PRKACB: variants seen among roughly 807,000 people sequenced by gnomAD.
PRKACB encodes protein kinase cAMP-activated catalytic subunit beta.
PRKACB carries 16 observed loss-of-function variants against 51.4 expected under a neutral mutation model. The ratio of observed to expected loss-of-function variants is 0.31; its 90% CI spans 0.21 to 0.47. The LOEUF is 0.47. Among genes scored for constraint, PRKACB ranks in the 20% least tolerant of loss-of-function variants. The pLI, the probability that PRKACB is intolerant of heterozygous loss-of-function variation, is 1.00. For missense variants in PRKACB, 309 were observed against 464.5 expected (o/e 0.67, Z 3.08); for synonymous variants, 147 against 154.4 (o/e 0.95, Z 0.35).
chr1:84,120,523 G>T (rs1301086817), intron 1 of PRKACB, among the ~76,000 whole-genome samples: 1 of 151,952 alleles, frequency 6.6e-6, no homozygotes, highest in Non-Finnish European at 1.5e-5. Flanking sequence ...CAATAATTGT[G>T]TAAAAACACA....
chr1:84,078,253 C>T, exon 1 of PRKACB: 1 of 1,539,974 alleles, frequency 6.5e-7, no homozygotes, highest in Non-Finnish European at 8.9e-7. Flanking sequence ...GGAGTTGTCC[C>T]AGACTGTGGA....
At chr1:84,113,941 A>AATC (rs765663016) in intron 1 of PRKACB, among the ~76,000 whole-genome samples, 2 of 152,150 alleles carry the variant, frequency 1.3e-5, no homozygotes, top group South Asian at 4.1e-4. Flanking sequence ...ACTTATTAAA[A>AATC]ATCACCGAAT....
At chr1:84,107,691 A>C (rs1649889741) in intron 1 of PRKACB, among the ~76,000 whole-genome samples, 2 of 152,192 alleles carry the variant, frequency 1.3e-5, no homozygotes, top group Non-Finnish European at 2.9e-5. Context: ...ATGAGCAGAC[A>C]CTTTTCAAAA....
chr1:84,124,013 A>C (rs1557972889), intron 1 of PRKACB, among the ~76,000 whole-genome samples: 2 of 152,162 alleles, frequency 1.3e-5, no homozygotes, highest in African/African-American at 4.8e-5. Flanking sequence ...GGGCCTAATA[A>C]AGGGCCTTTA....
upstream of PRKACB, among the ~76,000 whole-genome samples, chr1:84,141,131 A>C (rs1389846387): frequency 6.6e-6 from 1 of 152,036 alleles, no homozygotes; most frequent in African/African-American, 2.4e-5. Context: ...TTAATGCAGA[A>C]TGAAGGAGGA....
At chr1:84,142,951 T>A (rs1203412291), upstream of PRKACB, among the ~76,000 whole-genome samples, 1 of 152,188 alleles carries the variant, frequency 6.6e-6, no homozygotes, top group Non-Finnish European at 1.5e-5. Context: ...AAGATTTTTT[T>A]AGATAGATTG....
chr1:84,162,887 T>G (rs1024002188), intron 1 of PRKACB, among the ~76,000 whole-genome samples: 6 of 152,030 alleles, frequency 3.9e-5, no homozygotes, highest in Non-Finnish European at 8.8e-5. Context: ...AAATAACATG[T>G]GGTAGTAGCT....
At chr1:84,226,895 ATTC>A (rs1476661522) in intron 9 of PRKACB, among the ~76,000 whole-genome samples, 3 of 152,100 alleles carry the variant, frequency 2.0e-5, no homozygotes, top group Admixed American at 1.3e-4. Context: ...TGAGATAGGT[ATTC>A]TTTATGAGGT....
intron 1 of PRKACB, among the ~76,000 whole-genome samples, chr1:84,158,136 C>T (rs967558202): frequency 3.3e-5 from 5 of 151,740 alleles, no homozygotes; most frequent in Admixed American, 1.3e-4. Context: ...AGTGCAGTGG[C>T]GCAAGTGATT....
At position 84,144,327 on chromosome 1, in the gene PRKACB, T is replaced by C; in HGVS notation, c.-35T>C. ...GTTGTGAGCTCCTTCTGGAAACATT[T>C]GCAGTTACATTAAGTAAAGTGTAAA... On this transcript the variant is annotated 5_prime_UTR_variant, in exon 1 of 10. Coordinates refer to ENST00000370685, the MANE Select transcript of PRKACB (RefSeq NM_182948.4). 1 of 1,599,994 alleles carries C rather than the reference T, an allele frequency of 6.3e-7. No individual in the cohort carries two copies. The highest frequency in any genetic ancestry group is 8.5e-7 in the Non-Finnish European group (1 of 1,175,910).
intron 9 of PRKACB, among the ~76,000 whole-genome samples, chr1:84,218,695 T>C (rs1673223368): frequency 6.6e-6 from 1 of 152,244 alleles, no homozygotes; most frequent in Admixed American, 6.5e-5. Context: ...GTTCTATTTT[T>C]AGATTTTTGA....
rs147687515 is a variant in PRKACB at position 84,213,829 on chromosome 1, C to A, written c.907-324C>A. Among the ~76,000 whole-genome samples, 349 of 152,150 alleles carry A rather than the reference C, an allele frequency of 2.3e-3. 1 individual carries two copies. Among genetic ancestry groups the A allele is most frequent in the African/African-American group, 8.0e-3 (331 of 41,500 alleles). On this transcript the variant is annotated intron_variant, in intron 8 of 9. Transcript: ENST00000370685. ...TGTAATGTATGATCCAAAGAGATTG[C>A]TCTTAAAGATAGGTGAACTTTCTGA...
At chr1:84,216,469 A>G (rs577328275) in intron 9 of PRKACB, among the ~76,000 whole-genome samples, 217 of 152,362 alleles carry the variant, frequency 1.4e-3, no homozygotes, top group African/African-American at 4.9e-3. Context: ...AGAGGGATCC[A>G]GAAACTCTCT....
At chr1:84,091,350 A>T (rs1470310114) in intron 1 of PRKACB, among the ~76,000 whole-genome samples, 1 of 152,202 alleles carries the variant, frequency 6.6e-6, no homozygotes, top group Non-Finnish European at 1.5e-5. Flanking sequence ...AAGTTATATG[A>T]AGTATGTAAC....
rs757403349 is a variant in PRKACB at position 84,173,498 on chromosome 1, A to T, written c.188-5679A>T. The T allele has an allele frequency of 1.9e-5, 13 of 696,668 alleles. No homozygotes were observed. The Admixed American group carries it at 2.3e-4, about 12-fold the overall frequency. 43.2% of individuals were successfully genotyped at this position (696,668 alleles called of 1,614,324 possible). A position where few individuals can be genotyped will look rare whatever the true frequency, so the allele number is the denominator to read the frequency against. ...CTGAAAATATTTTTAGTGTGTGTGTATGTGGGGAGGGGGAGAGTATTTTTA... is the reference window on the plus strand; with the variant it reads ...CTGAAAATATTTTTAGTGTGTGTGTTTGTGGGGAGGGGGAGAGTATTTTTA... On this transcript the variant is annotated intron_variant, in intron 1 of 9. Coordinates refer to ENST00000370685, the MANE Select transcript of PRKACB (RefSeq NM_182948.4).
chr1:84,130,187 C>A (rs1477970150), intron 1 of PRKACB, among the ~76,000 whole-genome samples: 6 of 64,264 alleles, frequency 9.3e-5, no homozygotes, highest in Admixed American at 6.4e-4. Context: ...GAGACTCCGT[C>A]TCAAAAAAAA....
At chr1:84,079,954 C>A (rs1647394620) in intron 1 of PRKACB, among the ~76,000 whole-genome samples, 1 of 152,152 alleles carries the variant, frequency 6.6e-6, no homozygotes, top group Admixed American at 6.5e-5. Flanking sequence ...GCGTGAGCTA[C>A]CGTGCGTGAC....
intron 1 of PRKACB, among the ~76,000 whole-genome samples, chr1:84,101,782 TC>T (rs1649368847): frequency 6.6e-6 from 1 of 152,112 alleles, no homozygotes; most frequent in Non-Finnish European, 1.5e-5. Context: ...AAAGCCACTT[TC>T]CTAGTGCCAA....
chr1:84,209,248 C>T (rs1391587714), intron 8 of PRKACB, among the ~76,000 whole-genome samples: 1 of 152,106 alleles, frequency 6.6e-6, no homozygotes, highest in Non-Finnish European at 1.5e-5. Flanking sequence ...TTTTCCAGTC[C>T]ATACCTGATT....
Sources: allele counts gnomAD v4.1 joint callset (sites outside exome capture counted in the v4.1 genomes callset), GRCh38; gene constraint gnomAD v4.1.1; transcripts MANE v1.5; gene names NCBI Gene and HGNC (gene_info 2026-07-23, HGNC 2026-07-21).